PDZK1: variants seen among roughly 807,000 people sequenced by gnomAD.
PDZK1 encodes the protein Na(+)/H(+) exchange regulatory cofactor NHE-RF3.
A neutral mutation model predicts 38.1 loss-of-function variants in PDZK1; 23 were observed. The observed-to-expected ratio is 0.60, with a 90% CI of 0.43 to 0.85. The LOEUF is 0.85. PDZK1 is among the 40% of genes least tolerant of loss of function. PDZK1 has a pLI of 0.00. For synonymous variants in PDZK1, 98 were observed against 186.2 expected, an observed-to-expected ratio of 0.53 and a Z score of 3.86; for missense variants, 297 against 504.3, an observed-to-expected ratio of 0.59 and a Z score of 3.94.
At chr1:145,687,763 G>GT (rs1553702159) in intron 2 of PDZK1, 49 bp downstream of exon 2, 2 of 1,463,352 alleles carry the variant, frequency 1.4e-6, no homozygotes, top group South Asian at 1.1e-5. Context: ...CAGAGAAGAT[G>GT]TGGGGGCTGA....
intron 1 of PDZK1, among the ~76,000 whole-genome samples, chr1:145,690,249 C>T (rs1288455120): frequency 7.9e-5 from 12 of 152,104 alleles, no homozygotes; most frequent in African/African-American, 2.7e-4. Context: ...TCCCAACCTG[C>T]GAGCATCAGT....
intron 1 of PDZK1, among the ~76,000 whole-genome samples, chr1:145,701,473 C>T (rs1388537630): frequency 6.6e-6 from 1 of 152,078 alleles, no homozygotes; most frequent in Admixed American, 6.6e-5. Context: ...GGACGCTTGA[C>T]CACAGTGTGC....
Position 145,686,561 on chromosome 1 carries a change from C to T in PDZK1, c.376G>A (p.Gly126Ser), listed in dbSNP as rs148919265. 7.2e-3 allele frequency: 11,617 copies of T among 1,611,310 alleles called. 54 individuals are homozygous for T. Among genetic ancestry groups the T allele is most frequent in the Non-Finnish European group, 8.8e-3 (10,351 of 1,179,418 alleles). ...CGGGGCTGGGTCCAAGTTTGCACAC[C>T]TCCATTCATCACAGGGGAAAGTATA... Reference protein sequence around the residue: ...DNILSPVMNGGVQTWTQPRLC... With the variant: ...DNILSPVMNGSVQTWTQPRLC... The change falls in exon 3 of 9, where the codon GGT (glycine) becomes AGT (serine). Residue 126 changes from glycine to serine, a missense_variant. Gly to Ser is a moderately conservative substitution (Grantham distance 56). Coordinates refer to ENST00000417171, the MANE Select transcript of PDZK1 (RefSeq NM_001201325.2).
Position 145,678,745 on chromosome 1 carries a change from A to T in PDZK1, c.794-100T>A, listed in dbSNP as rs186628410. 5.3e-5 allele frequency: 31 copies of T among 590,018 alleles called. 7 individuals carry two copies. Among genetic ancestry groups the T allele is most frequent in the Admixed American group, 4.4e-4 (11 of 24,800 alleles). 36.5% of individuals were successfully genotyped at this position (590,018 alleles called of 1,614,324 possible). ...GCCCAAAGCCCTGATGAAACAGATAAAAAAGGCATGCTGAGTACAACTACC... is the reference window on the plus strand; with the variant it reads ...GCCCAAAGCCCTGATGAAACAGATATAAAAGGCATGCTGAGTACAACTACC... On this transcript the variant is annotated intron_variant, in intron 5 of 8. Coordinates refer to ENST00000417171, the MANE Select transcript of PDZK1 (RefSeq NM_001201325.2).
At chr1:145,700,043 T>C (rs1655870745) in intron 1 of PDZK1, among the ~76,000 whole-genome samples, 1 of 152,196 alleles carries the variant, frequency 6.6e-6, no homozygotes, top group East Asian at 1.9e-4. Flanking sequence ...GGGAATCCCA[T>C]TTTCTGTGAG....
rs1386534768 is a variant in PDZK1 at position 145,672,817 on chromosome 1, G to T, written c.1419C>A (p.Ser473=). The T allele has an allele frequency of 4.3e-6, 7 of 1,611,668 alleles. No homozygotes were observed. The highest frequency in any genetic ancestry group is 5.9e-6 in the Non-Finnish European group (7 of 1,179,744). The change falls in exon 8 of 9, where the codon TCC becomes TCA. Residue 473 remains serine, a synonymous_variant. Transcript: ENST00000417171. ...FQAKKIPIVS[S]LADPLDTPPD... is the part of the protein sequence containing the mutation. ...GAGGGGTGTCAAGTGGATCAGCCAG[G>T]GAGGAAACAATAGGGATTTTCTTAG...
At chr1:145,671,651 A>G (rs1212726604) in intron 8 of PDZK1, 162 bp from the exon 9 acceptor site, 2 of 550,994 alleles carry the variant, frequency 3.6e-6, no homozygotes, top group Non-Finnish European at 6.7e-6. Context: ...TGATAAATCA[A>G]GTAAAAAGTT....
intron 3 of PDZK1, among the ~76,000 whole-genome samples, chr1:145,686,207 C>T (rs74119456): frequency 0.029 from 4,455 of 152,114 alleles, 197 homozygotes; most frequent in African/African-American, 0.1. Context: ...TCCTCAAGTG[C>T]CAGCCTGACA....
intron 4 of PDZK1, among the ~76,000 whole-genome samples, chr1:145,682,075 G>A (rs1654323270): frequency 9.0e-6 from 1 of 111,260 alleles, no homozygotes; most frequent in South Asian, 3.3e-4. Flanking sequence ...AGGTGCGGTG[G>A]TGCACACCTG....
chr1:145,691,844 C>G (rs999583020), intron 1 of PDZK1: 5 of 151,922 alleles, frequency 3.3e-5, no homozygotes, highest in African/African-American at 1.2e-4. Context: ...TGAAAGAAAG[C>G]TATAACCATT....
chr1:145,707,039 G>C (rs1383246962), intron 1 of PDZK1, among the ~76,000 whole-genome samples: 1 of 151,944 alleles, frequency 6.6e-6, no homozygotes, highest in Non-Finnish European at 1.5e-5. Flanking sequence ...ACACAACCCC[G>C]GGAAGGCTTT....
At chr1:145,689,978 A>C (rs1655108728) in intron 1 of PDZK1, among the ~76,000 whole-genome samples, 1 of 152,220 alleles carries the variant, frequency 6.6e-6, no homozygotes, top group Non-Finnish European at 1.5e-5. Flanking sequence ...CGAGTGACTA[A>C]GTAGCGAAGA....
At chr1:145,677,910 T>TAAAAAAAAAAAAA (rs71077285) in intron 6 of PDZK1, among the ~76,000 whole-genome samples, 3 of 68,588 alleles carry the variant, frequency 4.4e-5, no homozygotes, top group East Asian at 5.0e-4. Context: ...GTGTTAAAAG[T>TAAAAAAAAAAAAA]AAAAAAAAAA....
At chr1:145,696,498 T>C (rs1244699516) in intron 1 of PDZK1, among the ~76,000 whole-genome samples, 2 of 152,200 alleles carry the variant, frequency 1.3e-5, no homozygotes, top group Non-Finnish European at 2.9e-5. Context: ...TCAACAGGAC[T>C]GATGCCCTTA....
intron 1 of PDZK1, 58 bp downstream of exon 1, chr1:145,707,259 G>A (rs1202647685): frequency 1.3e-5 from 2 of 152,596 alleles, no homozygotes; most frequent in Non-Finnish European, 2.9e-5. Context: ...GGAAAAGAAA[G>A]AAGGTAGTTC....
Position 145,682,636 on chromosome 1 carries a change from C to T in PDZK1, c.461G>A (p.Gly154Asp), listed in dbSNP as rs1372253916. 6.2e-7 allele frequency: 1 copy of T among 1,611,862 alleles called. No individual in the cohort carries two copies. Among genetic ancestry groups the T allele is most frequent in the Non-Finnish European group, 8.5e-7 (1 of 1,179,844 alleles). ...SYGFSLKTVQ[G>D]KKGVYMTDIT... Reference sequence around the variant, plus strand: ...ATCAGTCATGTACACCCCCTTTTTACCTGGAAGAGAGTAGGGGTAAACTCC... The same window carrying T: ...ATCAGTCATGTACACCCCCTTTTTATCTGGAAGAGAGTAGGGGTAAACTCC... Residue 154 changes from glycine to aspartate, a missense_variant and splice_region_variant, in exon 4 of 9, where the codon GGT (glycine) becomes GAT (aspartate). Physicochemically the swap from Gly to Asp is moderately conservative, Grantham distance 94 (BLOSUM62 -1). Around this residue, in one of 5 missense-constraint regions of PDZK1, gnomAD observed 159 missense variants for 200.0 expected, o/e 0.79. Transcript: ENST00000417171.
chr1:145,680,319 A>G (rs1378229324), intron 5 of PDZK1, among the ~76,000 whole-genome samples: 2 of 152,148 alleles, frequency 1.3e-5, no homozygotes, highest in East Asian at 3.8e-4. Flanking sequence ...GTGAAAAGAA[A>G]ATAACAACTT....
chr1:145,682,009 A>AACACACAC (rs71077284), intron 4 of PDZK1, among the ~76,000 whole-genome samples: 1,582 of 108,224 alleles, frequency 0.015, 43 homozygotes, highest in Middle Eastern at 0.036. Flanking sequence ...ATCTCTACAA[A>AACACACAC]ACACACACAC....
chr1:145,696,347 C>T (rs1239597952), intron 1 of PDZK1, among the ~76,000 whole-genome samples: 4 of 152,188 alleles, frequency 2.6e-5, no homozygotes, highest in African/African-American at 9.7e-5. Flanking sequence ...CCCCGAACTC[C>T]CCTTCTATTA....
Sources: gnomAD v4.1 joint callset for allele counts (sites outside exome capture counted in the v4.1 genomes callset) on GRCh38, gnomAD v4.1.1 for gene constraint, gnomAD v4.1.1 regional missense constraint, MANE v1.5 for transcripts, NCBI Gene and HGNC (gene_info 2026-07-23, HGNC 2026-07-21) for gene names.